NAALADL2: variants seen among roughly 807,000 people sequenced by gnomAD.
The protein encoded by NAALADL2 is inactive N-acetylated-alpha-linked acidic dipeptidase-like protein 2.
Under a neutral mutation model 87.2 loss-of-function variants are expected in NAALADL2, and 76 were observed. The ratio of observed to expected loss-of-function variants is 0.87; its 90% confidence interval spans 0.72 to 1.05. The LOEUF (loss-of-function observed/expected upper bound fraction) is 1.05. Among genes scored for constraint, NAALADL2 ranks in the 50% least tolerant of loss-of-function variants. NAALADL2 has a pLI of 0.00. For missense variants in NAALADL2, 1,089 were observed against 945.8 expected, an observed-to-expected ratio of 1.15 and a Z score of -1.99; for synonymous variants, 354 against 331.0, an observed-to-expected ratio of 1.07 and a Z score of -0.75.
At chr3:175,458,371 C>T (rs1160045743) in intron 6 of NAALADL2, among the ~76,000 whole-genome samples, 1 of 150,922 alleles carries the variant, frequency 6.6e-6, no homozygotes, top group Non-Finnish European at 1.5e-5. Flanking sequence ...AATCTATATG[C>T]ATGGGTGTTA....
At chr3:175,315,331 C>A (rs887585952) in intron 4 of NAALADL2, among the ~76,000 whole-genome samples, 15 of 151,850 alleles carry the variant, frequency 9.9e-5, no homozygotes. Context: ...GGGTGGGAGG[C>A]ATATGTAAAG....
intron 1 of NAALADL2, among the ~76,000 whole-genome samples, chr3:175,020,448 C>G (rs77292997): frequency 0.029 from 4,439 of 152,106 alleles, 211 homozygotes; most frequent in African/African-American, 0.1. Context: ...TGTCTAGATT[C>G]TCTTATTATC....
chr3:174,869,977 C>A (rs1302522954), intron 1 of NAALADL2, among the ~76,000 whole-genome samples: 4 of 102,428 alleles, frequency 3.9e-5, no homozygotes, highest in East Asian at 2.8e-4. Flanking sequence ...TCCTGGGCAA[C>A]AAGAGCGACA....
chr3:175,369,174 T>C (rs1460612793), intron 5 of NAALADL2, among the ~76,000 whole-genome samples: 1 of 152,188 alleles, frequency 6.6e-6, no homozygotes, highest in Non-Finnish European at 1.5e-5. Context: ...ATGTATGTGA[T>C]TTGTTCTTGA....
intron 1 of NAALADL2, among the ~76,000 whole-genome samples, chr3:174,496,883 A>AT (rs1277672333): frequency 1.2e-4 from 15 of 125,880 alleles, no homozygotes; most frequent in Admixed American, 1.9e-4. Flanking sequence ...TCTAGACTGA[A>AT]TGTGTTCATT....
rs561180352 is a variant in NAALADL2, at chr3:174,549,408, C to T, written c.-183-1161C>T. Among the ~76,000 whole-genome samples the T allele has an allele frequency of 9.9e-5, 15 of 152,204 alleles. No individual in the cohort carries two copies. In the South Asian group the frequency reaches 3.1e-3, roughly 32 times the overall value. ...CTTGGCCTATGGCAAAGTTCTGTGCCAATGATTTTATCTGGAGTCTGGGAA... is the reference window on the plus strand; with the variant it reads ...CTTGGCCTATGGCAAAGTTCTGTGCTAATGATTTTATCTGGAGTCTGGGAA... On this transcript the variant is annotated intron_variant, in intron 1 of 3. Transcript: ENST00000434257.
In NAALADL2 at chr3:175,420,611, C is replaced by T. The variant is rs541153363; in HGVS notation, c.1091-26618C>T. Reference sequence around the variant, plus strand: ...TAAACAAAAAATTTAAAAAGCCTTTCTTGAAAAGATAATTGTTTAAAAAAG... The same window carrying T: ...TAAACAAAAAATTTAAAAAGCCTTTTTTGAAAAGATAATTGTTTAAAAAAG... On this transcript the variant is annotated intron_variant, in intron 5 of 13. Transcript: ENST00000454872. 2.4e-3 allele frequency among the ~76,000 whole-genome samples: 361 copies of T among 152,042 alleles called. 5 individuals carry two copies. Among genetic ancestry groups the T allele is most frequent in the Non-Finnish European group, 3.1e-4 (21 of 67,902 alleles).
chr3:174,831,997 C>CT (rs1169233313), intron 3 of NAALADL2, among the ~76,000 whole-genome samples: 23 of 151,912 alleles, frequency 1.5e-4, no homozygotes, highest in African/African-American at 5.6e-4. Context: ...ATTCTTCTCT[C>CT]TTTTTTTCTT....
At position 175,360,727 on chromosome 3, in the gene NAALADL2, T is replaced by C. The variant is rs536549252; in HGVS notation, c.1090+36402T>C. Reference sequence around the variant, plus strand: ...TCTTTTTTCTATATATGACACTCATTGGTATAACTCTTTCTTCATTTATTT... The same window carrying C: ...TCTTTTTTCTATATATGACACTCATCGGTATAACTCTTTCTTCATTTATTT... On this transcript the variant is annotated intron_variant, in intron 5 of 13. Transcript: ENST00000454872. 4.6e-5 allele frequency among the ~76,000 whole-genome samples: 7 copies of C among 152,046 alleles called. No individual in the cohort carries two copies. The East Asian group carries it at 1.4e-3, about 29-fold the overall frequency.
At chr3:175,728,529 C>G (rs2150054998) in intron 11 of NAALADL2, among the ~76,000 whole-genome samples, 1 of 152,290 alleles carries the variant, frequency 6.6e-6, no homozygotes, top group Middle Eastern at 3.4e-3. Context: ...GAAACTCCCT[C>G]CACTCTTCTT....
chr3:174,984,182 A>G (rs11714639), intron 1 of NAALADL2, among the ~76,000 whole-genome samples: 6,498 of 152,332 alleles, frequency 0.043, 179 homozygotes, highest in East Asian at 0.13. Context: ...ACAAAATATA[A>G]AAACATAAAA....
At chr3:174,892,358 T>G (rs1730957342) in intron 1 of NAALADL2, among the ~76,000 whole-genome samples, 1 of 152,058 alleles carries the variant, frequency 6.6e-6, no homozygotes, top group African/African-American at 2.4e-5. Context: ...TTCTATCCGA[T>G]AAATTAAACG....
intron 1 of NAALADL2, among the ~76,000 whole-genome samples, chr3:174,999,569 T>C (rs59179242): frequency 0.016 from 2,417 of 152,274 alleles, 38 homozygotes; most frequent in African/African-American, 0.041. Flanking sequence ...CATTATTCTC[T>C]GATATTAAAA....
chr3:174,893,671 T>G (rs1003604896), intron 1 of NAALADL2, among the ~76,000 whole-genome samples: 8 of 152,182 alleles, frequency 5.3e-5, no homozygotes, highest in African/African-American at 1.9e-4. Flanking sequence ...AAATAGTATT[T>G]GCAAGCCTCA....
chr3:175,176,330 A>G (rs1735686446), intron 2 of NAALADL2, among the ~76,000 whole-genome samples: 1 of 152,162 alleles, frequency 6.6e-6, no homozygotes, highest in African/African-American at 2.4e-5. Flanking sequence ...AATATTTTAC[A>G]TAACCTTGAC....
intron 1 of NAALADL2, among the ~76,000 whole-genome samples, chr3:175,023,135 TAAC>T (rs1553918913): frequency 2.6e-5 from 4 of 151,924 alleles, no homozygotes; most frequent in Non-Finnish European, 5.9e-5. Context: ...AATAAATAAA[TAAC>T]AAAAGACCAC....
chr3:175,318,420 C>G (rs977116456), intron 4 of NAALADL2, among the ~76,000 whole-genome samples: 4 of 151,942 alleles, frequency 2.6e-5, no homozygotes, highest in Non-Finnish European at 4.4e-5. Flanking sequence ...TCATGAATTA[C>G]TTTAGTAATA....
chr3:174,469,125 A>T (rs1716734774), intron 1 of NAALADL2, among the ~76,000 whole-genome samples: 3 of 152,192 alleles, frequency 2.0e-5, no homozygotes, highest in African/African-American at 7.2e-5. Context: ...AAGAGACAGG[A>T]TAAAGGTTCT....
At chr3:175,236,548 CA>C (rs34787558) in intron 3 of NAALADL2, among the ~76,000 whole-genome samples, 47,238 of 98,782 alleles carry the variant, frequency 0.48, 8,838 homozygotes, top group Middle Eastern at 0.63. Flanking sequence ...AACTCCTTCT[CA>C]AAAAAAAAAA....
Sources: allele counts gnomAD v4.1 joint callset (sites outside exome capture counted in the v4.1 genomes callset), GRCh38; gene constraint gnomAD v4.1.1; transcripts MANE v1.5; gene names NCBI Gene and HGNC (gene_info 2026-07-23, HGNC 2026-07-21).